The following COL17A1 variants were observed in gnomAD, a reference collection of about 807,000 sequenced individuals.
The protein encoded by COL17A1 is collagen type XVII alpha 1 chain.
In COL17A1, 181 loss-of-function variants were observed where a neutral mutation model predicts 218.4. That is an observed-to-expected ratio of 0.83 (90% CI 0.73 to 0.94). COL17A1 has a LOEUF of 0.94. Ranked by LOEUF, COL17A1 falls within the 40% of genes least tolerant of loss-of-function variation. The pLI, the probability that COL17A1 is intolerant of heterozygous loss-of-function variation, is 0.00. For synonymous variants in COL17A1, 721 were observed against 731.0 expected, an observed-to-expected ratio of 0.99 and a Z score of 0.22; for missense variants, 1,924 against 1,945.9, an observed-to-expected ratio of 0.99 and a Z score of 0.21.
intron 8 of COL17A1, among the ~76,000 whole-genome samples, chr10:104,070,855 T>A (rs2086663879): frequency 1.3e-5 from 2 of 152,186 alleles, no homozygotes; most frequent in African/African-American, 4.8e-5. Flanking sequence ...ATCACAGGAA[T>A]GATTCTGTGG....
intron 13 of COL17A1, among the ~76,000 whole-genome samples, chr10:104,060,803 GT>G (rs1164487662): frequency 6.6e-6 from 1 of 152,014 alleles, no homozygotes; most frequent in East Asian, 1.9e-4. Context: ...TGTGTTTGTC[GT>G]CTGCCTCCAC....
chr10:104,050,514 C>T, intron 27 of COL17A1, 107 bp downstream of exon 27: 1 of 1,583,388 alleles, frequency 6.3e-7, no homozygotes, highest in South Asian at 1.1e-5. Flanking sequence ...AGAATGAGAT[C>T]TTGGTCCAGG....
Position 104,045,677 on chromosome 10 carries a change from A to G in COL17A1, c.2398+81T>C, listed in dbSNP as rs2086401523. ...CTGTTGATCCAGGCTCTGGCCAGAG[A>G]GAGGCCTCCTCCTGTCCATCCCTTC... On this transcript the variant is annotated intron_variant, in intron 33 of 55. Coordinates refer to ENST00000648076, the MANE Select transcript of COL17A1 (RefSeq NM_000494.4). 3 of 1,174,284 alleles carry G rather than the reference A, an allele frequency of 2.6e-6. No individual in the cohort carries two copies. The South Asian group carries it at 3.7e-5, about 14-fold the overall frequency. The allele number at this position is 1,174,284 out of a possible 1,614,324, so 72.7% of individuals were successfully genotyped here.
chr10:104,059,819 T>C (rs1041973140), intron 14 of COL17A1, 101 bp from the exon 15 acceptor site: 7 of 1,263,752 alleles, frequency 5.5e-6, no homozygotes, highest in African/African-American at 1.5e-5. Context: ...CTTGGGAAGG[T>C]CTAGGTTAGA....
At chr10:104,044,982 G>A (rs1283010253) in intron 33 of COL17A1, among the ~76,000 whole-genome samples, 5 of 152,246 alleles carry the variant, frequency 3.3e-5, no homozygotes, top group Admixed American at 6.5e-5. Flanking sequence ...CTGGAAAGTG[G>A]TTATTTTAGG....
At chr10:104,058,283 T>G (rs1462801415) in intron 15 of COL17A1, 93 bp from the exon 16 acceptor site, 18 of 1,550,196 alleles carry the variant, frequency 1.2e-5, no homozygotes, top group Non-Finnish European at 1.3e-5. Context: ...CTTTACTTTC[T>G]TAATAAACTT....
intron 9 of COL17A1, among the ~76,000 whole-genome samples, chr10:104,067,924 G>A (rs1226408348): frequency 6.6e-6 from 1 of 152,110 alleles, no homozygotes; most frequent in Non-Finnish European, 1.5e-5. Context: ...GGTGAAACTG[G>A]GGAGAGACAT....
chr10:104,041,613 T>A, intron 36 of COL17A1, 75 bp from the exon 37 acceptor site: 1 of 1,326,898 alleles, frequency 7.5e-7, no homozygotes, highest in Non-Finnish European at 1.1e-6. Flanking sequence ...CACCTCTCAC[T>A]GGATCTGCAG....
At chr10:104,072,504 G>C (rs1305123041) in intron 7 of COL17A1, among the ~76,000 whole-genome samples, 1 of 152,242 alleles carries the variant, frequency 6.6e-6, no homozygotes, top group Non-Finnish European at 1.5e-5. Context: ...GGAGGGGCAG[G>C]AAGCTGGTAG....
At chr10:104,080,474 T>C (rs1196441423) in intron 2 of COL17A1, 148 bp downstream of exon 2, 3 of 883,806 alleles carry the variant, frequency 3.4e-6, no homozygotes, top group Non-Finnish European at 5.2e-6. Flanking sequence ...AGAGCTGTCT[T>C]ATGAGAAGGA....
chr10:104,056,592 A>G (rs67549948), intron 17 of COL17A1, among the ~76,000 whole-genome samples: 139,786 of 151,680 alleles, frequency 0.92, 65,075 homozygotes, highest in Non-Finnish European at 1. Flanking sequence ...AAAAAAAAAA[A>G]AGAAAGAAAA....
At chr10:104,034,933 C>T (rs887282482) in intron 50 of COL17A1, among the ~76,000 whole-genome samples, 166 bp from the exon 51 acceptor site, 4 of 152,188 alleles carry the variant, frequency 2.6e-5, no homozygotes, top group African/African-American at 9.7e-5. Context: ...CTGCTGTTTC[C>T]TGACATCATC....
chr10:104,055,767 C>T lies in COL17A1; in HGVS notation c.1687+15G>A, dbSNP rs77525709. On this transcript the variant is annotated intron_variant, in intron 18 of 55. Coordinates refer to ENST00000648076, the MANE Select transcript of COL17A1 (RefSeq NM_000494.4). ...GACTCAGGGGAGCTGGCCCTGTGCC[C>T]GGCGATGCTCTCACCATTTTCCTGT... is the stretch of plus-strand genomic sequence containing the variant. 44 of 1,613,374 alleles carry T rather than the reference C, an allele frequency of 2.7e-5. No individual in the cohort carries two copies. Among genetic ancestry groups the T allele is most frequent in the African/African-American group, 4.0e-5 (3 of 74,896 alleles).
rs1355542363 is a variant in COL17A1, at chr10:104,074,153, C to T, written c.379+31G>A. The stretch of plus-strand genomic sequence containing the variant: ...GGATTTTCCTAGTGCCTCGTTTGAC[C>T]ATTTCTTTAGAAAATAAGGAGAGGA... On this transcript the variant is annotated intron_variant, in intron 6 of 55. Coordinates refer to ENST00000648076, the MANE Select transcript of COL17A1 (RefSeq NM_000494.4). The T allele has an allele frequency of 1.9e-6, 3 of 1,614,032 alleles. No homozygotes were observed. In the South Asian group the frequency reaches 3.3e-5, roughly 18 times the overall value.
chr10:104,055,084 C>T (rs1338727841), intron 19 of COL17A1, 77 bp from the exon 20 acceptor site: 2 of 1,602,820 alleles, frequency 1.2e-6, no homozygotes, highest in Non-Finnish European at 1.7e-6. Flanking sequence ...ATTTTAAAAC[C>T]ATTTGACAAG....
intron 2 of COL17A1, among the ~76,000 whole-genome samples, chr10:104,079,673 A>G (rs559725396): frequency 7.9e-5 from 12 of 152,324 alleles, no homozygotes; most frequent in African/African-American, 2.9e-4. Context: ...CACGCCTGTA[A>G]TCCCAACACT....
chr10:104,064,245 G>A (rs1158855850), intron 10 of COL17A1, among the ~76,000 whole-genome samples, 193 bp downstream of exon 10: 1 of 152,162 alleles, frequency 6.6e-6, no homozygotes, highest in Non-Finnish European at 1.5e-5. Flanking sequence ...ATTCTAAAGG[G>A]GACGCACCAG....
At chr10:104,069,863 A>C (rs529625494) in intron 9 of COL17A1, among the ~76,000 whole-genome samples, 31 of 152,300 alleles carry the variant, frequency 2.0e-4, no homozygotes, top group African/African-American at 6.7e-4. Context: ...GAAACGTGAC[A>C]ACGAACAGCT....
chr10:104,035,936 G>A, intron 48 of COL17A1, among the ~76,000 whole-genome samples: 1 of 62,404 alleles, frequency 1.6e-5, no homozygotes, highest in South Asian at 5.0e-4. Context: ...GTGTGTATGG[G>A]AGTGTATGGG....
Sources: gnomAD v4.1 joint callset for allele counts (sites outside exome capture counted in the v4.1 genomes callset) on GRCh38, gnomAD v4.1.1 for gene constraint, MANE v1.5 for transcripts, NCBI Gene and HGNC (gene_info 2026-07-23, HGNC 2026-07-21) for gene names.